Variants in GALNTL6 observed in about 807,000 individuals in gnomAD.
GALNTL6 encodes polypeptide N-acetylgalactosaminyltransferase like 6.
A neutral mutation model predicts 73.7 loss-of-function variants in GALNTL6; 46 were observed. The ratio of observed to expected loss-of-function variants is 0.62; its 90% confidence interval spans 0.49 to 0.80. The LOEUF (loss-of-function observed/expected upper bound fraction) is 0.80, where lower values mean the gene tolerates loss of function less well. Ranked by LOEUF, GALNTL6 falls within the 30% of genes least tolerant of loss-of-function variation. The probability of loss-of-function intolerance (pLI) is 0.00; values close to 1 mark genes in which losing one functional copy is unlikely to be tolerated. For missense variants in GALNTL6, 604 were observed against 755.0 expected (o/e 0.80, Z 2.34); for synonymous variants, 259 against 263.7 (o/e 0.98, Z 0.17).
intron 2 of GALNTL6, among the ~76,000 whole-genome samples, chr4:171,935,567 T>G (rs1043672105): frequency 1.3e-5 from 2 of 152,132 alleles, no homozygotes; most frequent in Non-Finnish European, 2.9e-5. Flanking sequence ...ACTGTCCGGC[T>G]CAAGCAATCC....
intron 5 of GALNTL6, among the ~76,000 whole-genome samples, chr4:172,644,437 T>G (rs1446812655): frequency 1.3e-5 from 2 of 152,014 alleles, no homozygotes; most frequent in East Asian, 3.9e-4. Context: ...TTTTGACTTT[T>G]CCCATTGTAA....
intron 2 of GALNTL6, among the ~76,000 whole-genome samples, chr4:172,018,321 A>G (rs1304122756): frequency 6.6e-6 from 1 of 152,072 alleles, no homozygotes; most frequent in Non-Finnish European, 1.5e-5. Flanking sequence ...GGATAGAGAA[A>G]TATCAGGTAG....
At chr4:173,039,128 C>G (rs1213467595) in intron 12 of GALNTL6, among the ~76,000 whole-genome samples, 1 of 152,168 alleles carries the variant, frequency 6.6e-6, no homozygotes, top group East Asian at 1.9e-4. Context: ...AACTTTCTGT[C>G]CTCGTGGTAT....
At chr4:172,343,143 C>G (rs1168404447) in intron 4 of GALNTL6, among the ~76,000 whole-genome samples, 1 of 152,000 alleles carries the variant, frequency 6.6e-6, no homozygotes, top group Non-Finnish European at 1.5e-5. Context: ...AAACAAAAAA[C>G]AAACAAACAA....
chr4:171,865,983 A>G (rs1180277506), intron 2 of GALNTL6, among the ~76,000 whole-genome samples: 1 of 152,188 alleles, frequency 6.6e-6, no homozygotes, highest in African/African-American at 2.4e-5. Context: ...TATTATGAAG[A>G]GTTGGCATAA....
intron 12 of GALNTL6, among the ~76,000 whole-genome samples, chr4:173,023,670 G>C (rs7658834): frequency 0.082 from 12,434 of 150,932 alleles, 955 homozygotes; most frequent in African/African-American, 0.2. Flanking sequence ...CCCAAAAAAA[G>C]CAAAAAAAAA....
chr4:172,035,708 C>G (rs531454819), intron 2 of GALNTL6, among the ~76,000 whole-genome samples: 15 of 152,198 alleles, frequency 9.9e-5, no homozygotes, highest in African/African-American at 3.4e-4. Context: ...CGACATGGAG[C>G]ACTCCTTTCA....
intron 2 of GALNTL6, among the ~76,000 whole-genome samples, chr4:171,827,389 C>A (rs1489858556): frequency 6.6e-6 from 1 of 152,180 alleles, no homozygotes; most frequent in Non-Finnish European, 1.5e-5. Flanking sequence ...CCATACTCTT[C>A]TCAAGGCTCA....
chr4:171,972,451 T>C (rs997077420), intron 2 of GALNTL6, among the ~76,000 whole-genome samples: 3 of 152,278 alleles, frequency 2.0e-5, no homozygotes, highest in Admixed American at 2.0e-4. Context: ...TACTGAGTTG[T>C]CTTTCAGACA....
chr4:172,603,664 C>T (rs1464520287), intron 5 of GALNTL6, among the ~76,000 whole-genome samples: 1 of 152,072 alleles, frequency 6.6e-6, no homozygotes, highest in Non-Finnish European at 1.5e-5. Context: ...TCTTCCTGTG[C>T]ACTAGAAGAC....
At chr4:171,961,569 A>G (rs1222931334) in intron 2 of GALNTL6, among the ~76,000 whole-genome samples, 1 of 152,236 alleles carries the variant, frequency 6.6e-6, no homozygotes, top group Non-Finnish European at 1.5e-5. Flanking sequence ...TAATAAAGCA[A>G]ATCAGTCTTA....
intron 2 of GALNTL6, among the ~76,000 whole-genome samples, chr4:172,088,788 C>G (rs777813776): frequency 6.6e-6 from 1 of 152,024 alleles, no homozygotes; most frequent in Non-Finnish European, 1.5e-5. Context: ...ATCCTGTGCT[C>G]GAGAGAGACA....
At chr4:172,948,858 G>A (rs1472241938) in intron 9 of GALNTL6, among the ~76,000 whole-genome samples, 1 of 152,052 alleles carries the variant, frequency 6.6e-6, no homozygotes. Flanking sequence ...TAGTTCCCTA[G>A]TTAACTATAC....
rs144468000 is a variant in GALNTL6 at position 172,707,255 on chromosome 4, T to TC, written c.554-102105dup. Among the ~76,000 whole-genome samples the TC allele has an allele frequency of 1.7e-3, 260 of 152,306 alleles. 1 individual carries two copies. Among genetic ancestry groups the TC allele is most frequent in the African/African-American group, 6.1e-3 (254 of 41,566 alleles). On this transcript the variant is annotated intron_variant, in intron 5 of 12. Transcript: ENST00000506823. Reference sequence around the variant, plus strand: ...GGTTTATTTAGATAGTAAGAATTGTTCAAAAAATTCTTCAACTTTAAAAAT... The same window carrying TC: ...GGTTTATTTAGATAGTAAGAATTGTTCCAAAAAATTCTTCAACTTTAAAAAT...
chr4:172,831,123 A>G lies in GALNTL6; in HGVS notation c.923+17400A>G, dbSNP rs1742606055. On this transcript the variant is annotated intron_variant, in intron 7 of 12. Transcript: ENST00000506823. ...CAGTGAGCGGAGATCGCACCACTGC[A>G]CTCCAGCCTGGGTGACAGAATGAGA... Among the ~76,000 whole-genome samples, 9 of 131,186 alleles carry G rather than the reference A, an allele frequency of 6.9e-5. No individual in the cohort carries two copies. In the Admixed American group the frequency reaches 8.4e-4, roughly 12 times the overall value. 86.1% of individuals were successfully genotyped at this position (131,186 alleles called of 152,430 possible). A position where few individuals can be genotyped will look rare whatever the true frequency, so the allele number is the denominator to read the frequency against.
intron 7 of GALNTL6, among the ~76,000 whole-genome samples, chr4:172,844,533 G>A (rs1186805844): frequency 6.6e-6 from 1 of 152,122 alleles, no homozygotes; most frequent in Non-Finnish European, 1.5e-5. Flanking sequence ...ATTCTCAGAG[G>A]GTTTCAAGTT....
intron 11 of GALNTL6, among the ~76,000 whole-genome samples, chr4:173,013,033 T>G (rs1263308733): frequency 2.0e-5 from 3 of 151,672 alleles, no homozygotes; most frequent in African/African-American, 7.3e-5. Context: ...TCCAGAGGGG[T>G]TTATAGAAGG....
At chr4:172,422,378 T>C (rs2111364416) in intron 5 of GALNTL6, among the ~76,000 whole-genome samples, 2 of 88,178 alleles carry the variant, frequency 2.3e-5, no homozygotes, top group Admixed American at 2.6e-4. Context: ...CAGCCTATTA[T>C]TTTTATAATA....
chr4:172,243,656 G>A (rs1020760678), intron 3 of GALNTL6, among the ~76,000 whole-genome samples: 18 of 152,196 alleles, frequency 1.2e-4, no homozygotes, highest in Admixed American at 7.2e-4. Flanking sequence ...GCAAATTGCC[G>A]TAGATGAACA....
Sources: allele counts gnomAD v4.1 joint callset (sites outside exome capture counted in the v4.1 genomes callset), GRCh38; gene constraint gnomAD v4.1.1; transcripts MANE v1.5; gene names NCBI Gene and HGNC (gene_info 2026-07-23, HGNC 2026-07-21).